The following GANC variants were observed in gnomAD, a reference collection of about 807,000 sequenced individuals.
GANC encodes the protein neutral alpha-glucosidase C.
A neutral mutation model predicts 124.2 loss-of-function variants in GANC; 117 were observed. The observed-to-expected ratio is 0.94, with a 90% CI of 0.81 to 1.10. The LOEUF is 1.10. GANC is among the 50% of genes least tolerant of loss of function. GANC has a pLI of 0.00. For missense variants in GANC, 1,140 were observed against 1,095.0 expected (o/e 1.04, Z -0.58); for synonymous variants, 377 against 376.8 (o/e 1.00, Z -0.01).
At chr15:42,312,879 G>T (rs1595774446) in intron 10 of GANC, among the ~76,000 whole-genome samples, 1 of 151,352 alleles carries the variant, frequency 6.6e-6, no homozygotes, top group African/African-American at 2.4e-5. Context: ...GGTGGAGGTT[G>T]CAGTGAGCCA....
intron 11 of GANC, among the ~76,000 whole-genome samples, chr15:42,322,592 C>T (rs2052169371): frequency 1.3e-5 from 2 of 152,072 alleles, no homozygotes; most frequent in African/African-American, 4.8e-5. Context: ...GTCAGCTTGT[C>T]CAGATACGGG....
At chr15:42,351,763 G>A (rs1488347123) in intron 23 of GANC, among the ~76,000 whole-genome samples, 2 of 152,174 alleles carry the variant, frequency 1.3e-5, no homozygotes, top group Non-Finnish European at 2.9e-5. Context: ...AGGGCAGGAT[G>A]GGACTTATAT....
intron 15 of GANC, among the ~76,000 whole-genome samples, chr15:42,333,799 C>T (rs1377904266): frequency 6.6e-6 from 1 of 152,186 alleles, no homozygotes; most frequent in African/African-American, 2.4e-5. Flanking sequence ...GTTATTGCTA[C>T]TGTTATTATG....
intron 21 of GANC, among the ~76,000 whole-genome samples, chr15:42,348,808 A>G (rs1255097464): frequency 6.6e-6 from 1 of 152,234 alleles, no homozygotes; most frequent in Non-Finnish European, 1.5e-5. Context: ...TATCAATATT[A>G]TAAAATAATT....
At chr15:42,330,764 CT>C in intron 15 of GANC, 92 bp downstream of exon 15, 1 of 555,072 alleles carries the variant, frequency 1.8e-6, no homozygotes, top group Non-Finnish European at 2.9e-6. Flanking sequence ...TGATGCCTTC[CT>C]TTTCCTTTTT....
chr15:42,315,818 C>T (rs1344151636), intron 10 of GANC, among the ~76,000 whole-genome samples: 1 of 151,996 alleles, frequency 6.6e-6, no homozygotes, highest in Non-Finnish European at 1.5e-5. Context: ...ACTAAGGTCC[C>T]TGGGGAAAAC....
chr15:42,314,178 G>T (rs2052082383), intron 10 of GANC: 1 of 761,258 alleles, frequency 1.3e-6, no homozygotes. Context: ...TATGGGATTG[G>T]ACAAGTTGGC....
chr15:42,288,935 G>A (rs1232533694), intron 4 of GANC, among the ~76,000 whole-genome samples: 1 of 152,212 alleles, frequency 6.6e-6, no homozygotes, highest in Non-Finnish European at 1.5e-5. Flanking sequence ...CTATCCTGAA[G>A]GATAGTACAG....
intron 9 of GANC, 39 bp downstream of exon 9, chr15:42,310,502 A>G (rs1415005836): frequency 7.1e-6 from 11 of 1,547,774 alleles, no homozygotes; most frequent in Non-Finnish European, 7.9e-6. Context: ...TACTTAAAGA[A>G]GAAACAAAAC....
chr15:42,300,380 T>C (rs1216980602), intron 6 of GANC, among the ~76,000 whole-genome samples: 1 of 152,018 alleles, frequency 6.6e-6, no homozygotes, highest in Non-Finnish European at 1.5e-5. Flanking sequence ...ATCAGAGAAA[T>C]GCAAATCAAA....
intron 5 of GANC, among the ~76,000 whole-genome samples, chr15:42,294,243 CCT>C (rs1448752992): frequency 2.4e-4 from 36 of 151,276 alleles, no homozygotes; most frequent in Admixed American, 2.3e-3. Context: ...TCTCCTTCCC[CCT>C]GTGTCCTCTA....
rs1383067210 is a variant in GANC at position 42,339,845 on chromosome 15, T to C, written c.2020T>C (p.Tyr674His). ...CATCCGAGAAGCCATCAGAGAGCGCTATGGCCTCCTGCCATATTGGTATTC... is the reference window on the plus strand; with the variant it reads ...CATCCGAGAAGCCATCAGAGAGCGCCATGGCCTCCTGCCATATTGGTATTC... ...RLIREAIRERYGLLPYWYSLF... is the reference protein window; with the variant it reads ...RLIREAIRERHGLLPYWYSLF... Residue 674 changes from tyrosine to histidine, a missense_variant, in exon 17 of 24, where the codon TAT becomes CAT. Coordinates refer to ENST00000318010, the MANE Select transcript of GANC (RefSeq NM_198141.3). 19 of 1,613,854 alleles carry C rather than the reference T, an allele frequency of 1.2e-5. No homozygotes were observed. Among genetic ancestry groups the C allele is most frequent in the Non-Finnish European group, 1.6e-5 (19 of 1,179,954 alleles).
At position 42,352,649 on chromosome 15, in the gene GANC, C is replaced by T. The variant is rs568264188; in HGVS notation, c.*510C>T. On this transcript the variant is annotated 3_prime_UTR_variant, in exon 24 of 24. Transcript: ENST00000318010. ...AGCCCTCTTCTGTGTGCACTGCATA[C>T]GCTGCAGCCGTGGGAGTTATTCTCC... The T allele has an allele frequency of 7.1e-6, 7 of 986,710 alleles. No individual in the cohort carries two copies. Among genetic ancestry groups the T allele is most frequent in the African/African-American group, 3.5e-5 (2 of 57,274 alleles). The allele number at this position is 986,710 out of a possible 1,614,324, so 61.1% of individuals were successfully genotyped here.
At chr15:42,282,857 C>G (rs993415245) in intron 3 of GANC, among the ~76,000 whole-genome samples, 4 of 152,212 alleles carry the variant, frequency 2.6e-5, no homozygotes, top group African/African-American at 9.6e-5. Context: ...AGCAGCTTCA[C>G]TGTCTGGTGA....
intron 11 of GANC, 83 bp from the exon 12 acceptor site, chr15:42,326,215 C>T: frequency 1.1e-6 from 1 of 943,582 alleles, no homozygotes; most frequent in Non-Finnish European, 1.6e-6. Flanking sequence ...AAAATTGAAC[C>T]CCCAAACTAT....
chr15:42,296,874 T>C (rs1300316606), intron 5 of GANC, among the ~76,000 whole-genome samples: 2 of 150,150 alleles, frequency 1.3e-5, no homozygotes, highest in Non-Finnish European at 1.5e-5. Context: ...TTGGAAGATA[T>C]GGTCTCACTA....
At chr15:42,327,000 C>G (rs1471591691) in intron 12 of GANC, among the ~76,000 whole-genome samples, 2 of 152,184 alleles carry the variant, frequency 1.3e-5, no homozygotes, top group African/African-American at 4.8e-5. Context: ...CCGTGCCTTT[C>G]TTTTTTTCCC....
At chr15:42,311,725 G>A (rs1595773899) in intron 10 of GANC, among the ~76,000 whole-genome samples, 1 of 152,138 alleles carries the variant, frequency 6.6e-6, no homozygotes, top group Non-Finnish European at 1.5e-5. Context: ...CACAAGAACA[G>A]CAAGGGAGAA....
In GANC at chr15:42,349,386, T is replaced by A; in HGVS notation, c.2422T>A (p.Ser808Thr). 1 of 1,590,308 alleles carries A rather than the reference T, an allele frequency of 6.3e-7. No individual in the cohort carries two copies. The highest frequency in any genetic ancestry group is 1.1e-5 in the South Asian group (1 of 90,604). ...GTCTCTGTGATTCATTCTCCAGGGT[T>A]CTTCAGTGGGTGAGTTATATCTTGA... ...GLRVALSTKG[S>T]SVGELYLDDG... Residue 808 changes from serine to threonine, a missense_variant, in exon 22 of 24, where the codon TCT becomes ACT. Physicochemically the swap from Ser to Thr is moderately conservative, Grantham distance 58 (BLOSUM62 1). Transcript: ENST00000318010.
Sources: allele counts gnomAD v4.1 joint callset (sites outside exome capture counted in the v4.1 genomes callset), GRCh38; gene constraint gnomAD v4.1.1; transcripts MANE v1.5; gene names NCBI Gene and HGNC (gene_info 2026-07-23, HGNC 2026-07-21).